Variants in RBM14 observed in about 807,000 individuals in gnomAD.
RBM14 encodes RNA binding motif protein 14, also known as RNA-binding protein 14.
Under a neutral mutation model 52.8 loss-of-function variants are expected in RBM14, and 5 were observed. The ratio of observed to expected loss-of-function variants is 0.09; its 90% CI spans 0.05 to 0.20. The LOEUF (loss-of-function observed/expected upper bound fraction) is 0.20. RBM14 is among the 10% of genes least tolerant of loss of function. The pLI, the probability that RBM14 is intolerant of heterozygous loss-of-function variation, is 1.00. For synonymous variants in RBM14, 411 were observed against 401.8 expected (o/e 1.02, Z -0.28); for missense variants, 780 against 926.6 (o/e 0.84, Z 2.05).
rs76649937 is a variant in RBM14 at position 66,629,748 on chromosome 11, T to A, written c.*3080T>A. Among the ~76,000 whole-genome samples the A allele has an allele frequency of 6.6e-6, 1 of 152,110 alleles. No homozygotes were observed. Among genetic ancestry groups the A allele is most frequent in the African/African-American group, 2.4e-5 (1 of 41,390 alleles). On this transcript the variant is annotated 3_prime_UTR_variant, in exon 3 of 3. Transcript: ENST00000310137. The stretch of plus-strand genomic sequence containing the variant: ...GAAAATAATTCTTAAAACTGGGTTT[T>A]ATGTCTAGATTTAAATCATGTATCT...
In RBM14 at chr11:66,625,551, C is replaced by T. The variant is rs1937761674; in HGVS notation, c.1675C>T (p.Leu559=). 21 of 1,612,586 alleles carry T rather than the reference C, an allele frequency of 1.3e-5. No individual in the cohort carries two copies. The highest frequency in any genetic ancestry group is 1.8e-5 in the Non-Finnish European group (21 of 1,179,744). ...GGCAGGTCAGCCGTCTGCAGCCTAC[C>T]TGTCCATGTCCCAGGGGGCCGTTGC... The part of the protein sequence containing the change: ...DGAGQPSAAY[L]SMSQGAVANA... The change falls in exon 2 of 3, where the codon CTG becomes TTG. Residue 559 remains leucine, a synonymous_variant. Transcript: ENST00000310137. This position sits in a 1 kb window ranked among gnomAD's most constrained non-coding sequence, Gnocchi z 4.2.
chr11:66,619,559 T>A (rs1273743484), intron 1 of RBM14: 1 of 151,210 alleles, frequency 6.6e-6, no homozygotes, highest in African/African-American at 2.5e-5. Flanking sequence ...AGTTTAAGAT[T>A]TTTTCTTTTT....
chr11:66,622,043 G>A (rs1405341746), intron 1 of RBM14, among the ~76,000 whole-genome samples: 1 of 151,848 alleles, frequency 6.6e-6, no homozygotes, highest in Non-Finnish European at 1.5e-5. Flanking sequence ...AGCCTCTGGA[G>A]TAGCTGGGAT....
In RBM14 at chr11:66,625,595, G is replaced by A. The variant is rs376787377; in HGVS notation, c.1719G>A (p.Pro573=). ...QGAVANANST[P]PPYERTRLSP... is the part of the protein sequence containing the mutation. ...CCGTTGCCAACGCCAACAGCACCCC[G>A]CCGCCCTATGAGCGTACCCGCCTCT... Residue 573 remains proline (P), a synonymous_variant, in exon 2 of 3, where the codon CCG becomes CCA. Coordinates refer to ENST00000310137, the MANE Select transcript of RBM14 (RefSeq NM_006328.4). This position sits in a 1 kb window ranked among gnomAD's most constrained non-coding sequence, Gnocchi z 4.2. 8.1e-6 allele frequency: 13 copies of A among 1,609,536 alleles called. No individual in the cohort carries two copies. The highest frequency in any genetic ancestry group is 2.7e-5 in the African/African-American group (2 of 74,842).
chr11:66,618,390 C>CA (rs1858945538), intron 1 of RBM14: 2 of 659,530 alleles, frequency 3.0e-6, no homozygotes, highest in East Asian at 5.6e-5. Context: ...TGTTTGGGGC[C>CA]ATTCCTAGTC....
At chr11:66,622,982 A>T (rs576387089) in intron 1 of RBM14, among the ~76,000 whole-genome samples, 1 of 152,198 alleles carries the variant, frequency 6.6e-6, no homozygotes. Context: ...GAGTGTGGAC[A>T]TGAGAATTTC....
chr11:66,623,752 C>T (rs970167019), intron 1 of RBM14: 3 of 640,064 alleles, frequency 4.7e-6, no homozygotes, highest in Admixed American at 4.7e-5. Context: ...CATACCAAAA[C>T]GTGAGTGGTC....
Position 66,625,495 on chromosome 11 carries a change from A to C in RBM14, c.1619A>C (p.Tyr540Ser), listed in dbSNP as rs781753127. The C allele has an allele frequency of 1.2e-6, 2 of 1,612,466 alleles. No homozygotes were observed. The highest frequency in any genetic ancestry group is 1.7e-6 in the Non-Finnish European group (2 of 1,179,466). The change falls in exon 2 of 3, where the codon TAC becomes TCC. Residue 540 changes from tyrosine (Y) to serine (S), a missense_variant. Transcript: ENST00000310137. This position sits in a 1 kb window ranked among gnomAD's most constrained non-coding sequence, Gnocchi z 4.2. ...CAGCATCCCCAGGCTGCTGCCTCCT[A>C]CCGCGGCCAGCCAGGCAATGCCTAC... Reference protein sequence around the residue: ...AQQHPQAAASYRGQPGNAYDG... With the variant: ...AQQHPQAAASSRGQPGNAYDG...
At position 66,625,365 on chromosome 11, in the gene RBM14, T is replaced by C; in HGVS notation, c.1489T>C (p.Ser497Pro). 3 of 1,610,530 alleles carry C rather than the reference T, an allele frequency of 1.9e-6. No individual in the cohort carries two copies. The highest frequency in any genetic ancestry group is 2.5e-6 in the Non-Finnish European group (3 of 1,179,012). The change falls in exon 2 of 3, where the codon TCC becomes CCC. Residue 497 changes from serine (S) to proline (P), a missense_variant. This residue lies in a region of RBM14 where 675 missense variants were observed against 697.3 expected (regional missense o/e 0.97). Transcript: ENST00000310137. The surrounding 1 kb of genome is among the most constrained non-coding windows in gnomAD (Gnocchi z 4.2). ...TCAGTCGGCTGCTGCGGCCACTGGCTCCTATGGTGCCGCAGCAGCCTACGG... is the reference window on the plus strand; with the variant it reads ...TCAGTCGGCTGCTGCGGCCACTGGCCCCTATGGTGCCGCAGCAGCCTACGG... Reference protein sequence around the residue: ...GAQSAAAATGSYGAAAAYGAQ... With the variant: ...GAQSAAAATGPYGAAAAYGAQ...
At chr11:66,623,500 G>A (rs1438105047) in intron 1 of RBM14, among the ~76,000 whole-genome samples, 4 of 152,174 alleles carry the variant, frequency 2.6e-5, no homozygotes, top group African/African-American at 7.2e-5. Context: ...CTTTGAGTGG[G>A]GCAAGCCATA....
chr11:66,620,878 C>T (rs984227286), intron 1 of RBM14: 7 of 152,030 alleles, frequency 4.6e-5, no homozygotes, highest in Non-Finnish European at 8.8e-5. Flanking sequence ...CAACAAGTGC[C>T]TATGAGCTCC....
rs1006330160 is a variant in RBM14 at position 66,627,497 on chromosome 11, A to G, written c.*829A>G. 6.6e-6 allele frequency: 1 copy of G among 152,276 alleles called. No individual in the cohort carries two copies. The highest frequency in any genetic ancestry group is 1.5e-5 in the Non-Finnish European group (1 of 68,078). 9.4% of individuals were successfully genotyped at this position (152,276 alleles called of 1,614,324 possible). Reference sequence around the variant, plus strand: ...AATTAGAAGGATTGCCCTGTGGCCCAGAAGGATTTAGCTCATCGTCGTCCT... The same window carrying G: ...AATTAGAAGGATTGCCCTGTGGCCCGGAAGGATTTAGCTCATCGTCGTCCT... On this transcript the variant is annotated 3_prime_UTR_variant, in exon 3 of 3. Transcript: ENST00000310137.
At chr11:66,618,011 A>T (rs1858920535) in intron 1 of RBM14, among the ~76,000 whole-genome samples, 1 of 152,234 alleles carries the variant, frequency 6.6e-6, no homozygotes, top group African/African-American at 2.4e-5. Flanking sequence ...TCTGATTCTC[A>T]GGGCAGATCC....
Position 66,625,838 on chromosome 11 carries a change from T to C in RBM14, c.1802+160T>C. ...CCGAGGGGAGCAGTGTCTATGAACT[T>C]TCCTGGTCACCAGGGTTCAGGTGGA... On this transcript the variant is annotated intron_variant, in intron 2 of 2. Coordinates refer to ENST00000310137, the MANE Select transcript of RBM14 (RefSeq NM_006328.4). This position sits in a 1 kb window ranked among gnomAD's most constrained non-coding sequence, Gnocchi z 4.2. The C allele has an allele frequency of 1.6e-6, 1 of 632,434 alleles. No individual in the cohort carries two copies. Among genetic ancestry groups the C allele is most frequent in the Non-Finnish European group, 2.7e-6 (1 of 372,708 alleles). The allele number at this position is 632,434 out of a possible 1,614,324, so 39.2% of individuals were successfully genotyped here.
chr11:66,629,168 G>A lies in RBM14; in HGVS notation c.*2500G>A, dbSNP rs999006386. ...TTGCTTTGTGGATTACTGATTTCAAGTTCTATAACTTGGGGAAAGTTAGGT... is the reference window on the plus strand; with the variant it reads ...TTGCTTTGTGGATTACTGATTTCAAATTCTATAACTTGGGGAAAGTTAGGT... On this transcript the variant is annotated 3_prime_UTR_variant, in exon 3 of 3. Transcript: ENST00000310137. 2.0e-5 allele frequency among the ~76,000 whole-genome samples: 3 copies of A among 152,196 alleles called. No homozygotes were observed. Among genetic ancestry groups the A allele is most frequent in the African/African-American group, 4.8e-5 (2 of 41,446 alleles).
Position 66,627,144 on chromosome 11 carries a change from G to A in RBM14, c.*476G>A, listed in dbSNP as rs1035788709. The stretch of plus-strand genomic sequence containing the variant: ...AGGGTACCCTGACTGTCCCTCTGTA[G>A]ACTGTTGAGACTGAGTTCCTGTTGG... On this transcript the variant is annotated 3_prime_UTR_variant, in exon 3 of 3. Coordinates refer to ENST00000310137, the MANE Select transcript of RBM14 (RefSeq NM_006328.4). The A allele has an allele frequency of 1.3e-5, 2 of 155,174 alleles. No homozygotes were observed. Among genetic ancestry groups the A allele is most frequent in the Admixed American group, 6.4e-5 (1 of 15,662 alleles). The allele number at this position is 155,174 out of a possible 1,614,324, so 9.6% of individuals were successfully genotyped here.
Position 66,629,924 on chromosome 11 carries a change from GA to G in RBM14, c.*3266del, listed in dbSNP as rs753805210. 2.3e-5 allele frequency among the ~76,000 whole-genome samples: 2 copies of G among 88,260 alleles called. No individual in the cohort carries two copies. Among genetic ancestry groups the G allele is most frequent in the African/African-American group, 3.4e-5 (1 of 29,502 alleles). The allele number at this position is 88,260 out of a possible 152,430, so 57.9% of individuals were successfully genotyped here. A position where few individuals can be genotyped will look rare whatever the true frequency, so the allele number is the denominator to read the frequency against. On this transcript the variant is annotated 3_prime_UTR_variant, in exon 3 of 3. Coordinates refer to ENST00000310137, the MANE Select transcript of RBM14 (RefSeq NM_006328.4). ...AGACCTTGTCTCTACCAAAAGAAAA[GA>G]AAAAAAAAAGCCAGCTGTGGTGGCA...
intron 1 of RBM14, chr11:66,619,458 G>C (rs1416156327): frequency 1.3e-5 from 2 of 152,134 alleles, no homozygotes; most frequent in African/African-American, 2.4e-5. Context: ...ACAGACTTGT[G>C]GGGAGATCTG....
chr11:66,625,459 ATGCTGCCCAGCAGCATCCCCAGGC>A lies in RBM14; in HGVS notation c.1591_1614del (p.Gln531_Ala538del), dbSNP rs2135023047. On this transcript the variant is annotated inframe_deletion, in exon 2 of 3. Coordinates refer to ENST00000310137, the MANE Select transcript of RBM14 (RefSeq NM_006328.4). This position sits in a 1 kb window ranked among gnomAD's most constrained non-coding sequence, Gnocchi z 4.2. The stretch of plus-strand genomic sequence containing the variant: ...TCATCAGCCTCATTGGCTGCTTCCT[ATGCTGCCCAGCAGCATCCCCAGGC>A]TGCTGCCTCCTACCGCGGCCAGCCA... 4 of 1,613,294 alleles carry A rather than the reference ATGCTGCCCAGCAGCATCCCCAGGC, an allele frequency of 2.5e-6. No individual in the cohort carries two copies. Among genetic ancestry groups the A allele is most frequent in the Non-Finnish European group, 3.4e-6 (4 of 1,179,886 alleles).
Sources: gnomAD v4.1 joint callset for allele counts (sites outside exome capture counted in the v4.1 genomes callset) on GRCh38, gnomAD v4.1.1 for gene constraint, gnomAD v4.1.1 regional missense constraint, Gnocchi (gnomAD v3.1) non-coding constraint, MANE v1.5 for transcripts, NCBI Gene and HGNC (gene_info 2026-07-23, HGNC 2026-07-21) for gene names.